The following SPTLC3 variants were observed in gnomAD, a reference collection of about 807,000 sequenced individuals.
SPTLC3 encodes serine palmitoyltransferase long chain base subunit 3.
In SPTLC3, 36 loss-of-function variants were observed where a neutral mutation model predicts 59.3. The ratio of observed to expected loss-of-function variants is 0.61; its 90% CI spans 0.47 to 0.80. The LOEUF (loss-of-function observed/expected upper bound fraction) is 0.80, where lower values mean the gene tolerates loss of function less well. Among genes scored for constraint, SPTLC3 ranks in the 30% least tolerant of loss-of-function variants. The probability of loss-of-function intolerance (pLI) is 0.00; values close to 1 mark genes in which losing one functional copy is unlikely to be tolerated. For synonymous variants in SPTLC3, 257 were observed against 240.8 expected (o/e 1.07, Z -0.62); for missense variants, 625 against 685.1 (o/e 0.91, Z 0.98).
intron 6 of SPTLC3, among the ~76,000 whole-genome samples, chr20:13,099,536 T>C (rs993059707): frequency 1.3e-5 from 2 of 152,244 alleles, no homozygotes; most frequent in African/African-American, 4.8e-5. Flanking sequence ...ACCCACATGT[T>C]TAATACAACT....
intron 1 of SPTLC3, among the ~76,000 whole-genome samples, chr20:13,046,234 T>C (rs558418738): frequency 6.6e-6 from 1 of 152,290 alleles, no homozygotes; most frequent in African/African-American, 2.4e-5. Context: ...CCTTCAACCA[T>C]GACTTAAACT....
chr20:13,064,386 T>C (rs952676842), intron 2 of SPTLC3, among the ~76,000 whole-genome samples: 2 of 151,934 alleles, frequency 1.3e-5, no homozygotes, highest in African/African-American at 2.4e-5. Context: ...TCTTGTCTCC[T>C]AGGTTGGAAC....
chr20:13,097,861 G>T (rs1989474508), intron 6 of SPTLC3, among the ~76,000 whole-genome samples: 1 of 152,144 alleles, frequency 6.6e-6, no homozygotes, highest in Admixed American at 6.5e-5. Flanking sequence ...AAGTGCAATG[G>T]CGGGTCCTAG....
chr20:13,082,583 A>G (rs1988877039), intron 4 of SPTLC3, among the ~76,000 whole-genome samples: 1 of 152,190 alleles, frequency 6.6e-6, no homozygotes, highest in African/African-American at 2.4e-5. Context: ...CTTTCACTTT[A>G]CAATAGCAGA....
At chr20:13,153,015 G>T (rs1158874848) in intron 9 of SPTLC3, among the ~76,000 whole-genome samples, 1 of 152,194 alleles carries the variant, frequency 6.6e-6, no homozygotes, top group Non-Finnish European at 1.5e-5. Context: ...ATGGAGGTCT[G>T]CTAAAGACAA....
At chr20:13,015,221 ATAT>A (rs1479185031) in intron 1 of SPTLC3, among the ~76,000 whole-genome samples, 1 of 152,204 alleles carries the variant, frequency 6.6e-6, no homozygotes, top group Non-Finnish European at 1.5e-5. Flanking sequence ...TCAAGGGTAA[ATAT>A]TATTGCCATA....
At position 13,009,295 on chromosome 20, in the gene SPTLC3, T is replaced by G; in HGVS notation, c.28T>G (p.Cys10Gly). 1 of 1,614,104 alleles carries G rather than the reference T, an allele frequency of 6.2e-7. No homozygotes were observed. Among genetic ancestry groups the G allele is most frequent in the Non-Finnish European group, 8.5e-7 (1 of 1,179,992 alleles). MANPGGGAV[C>G]NGKLHNHKKQ... ...GGCTAACCCTGGAGGTGGTGCTGTT[T>G]GCAACGGGAAACTTCACAATCACAA... The change falls in exon 1 of 12, where the codon TGC becomes GGC. Residue 10 changes from cysteine to glycine, a missense_variant. Coordinates refer to ENST00000399002, the MANE Select transcript of SPTLC3 (RefSeq NM_018327.4).
At chr20:13,107,946 G>A (rs1198495529) in intron 6 of SPTLC3, among the ~76,000 whole-genome samples, 1 of 151,714 alleles carries the variant, frequency 6.6e-6, no homozygotes, top group African/African-American at 2.4e-5. Flanking sequence ...CATTATTTAT[G>A]TGATGTTTTC....
chr20:13,052,475 GGAGT>G (rs1404936695), intron 2 of SPTLC3, among the ~76,000 whole-genome samples: 2 of 80,350 alleles, frequency 2.5e-5, no homozygotes, highest in East Asian at 3.3e-4. Flanking sequence ...GCTGGCTGCA[GGAGT>G]TTTTTTGTTG....
intron 2 of SPTLC3, among the ~76,000 whole-genome samples, chr20:13,055,702 T>C (rs1987693502): frequency 6.6e-6 from 1 of 152,200 alleles, no homozygotes; most frequent in African/African-American, 2.4e-5. Flanking sequence ...GAAGAGTTGT[T>C]TCCTAGAAAG....
At position 13,117,530 on chromosome 20, in the gene SPTLC3, G is replaced by T. The variant is rs746260646; in HGVS notation, c.957G>T (p.Leu319=). Residue 319 remains leucine (L), a synonymous_variant, in exon 8 of 12, where the codon CTG becomes CTT. Coordinates refer to ENST00000399002, the MANE Select transcript of SPTLC3 (RefSeq NM_018327.4). ...VYSMEGSIVH[L]PQIIALKKKY... is the part of the protein sequence containing the mutation. The stretch of plus-strand genomic sequence containing the variant: ...GCATGGAAGGTTCCATCGTGCATCT[G>T]CCCCAGATCATAGCTCTAAAGAAGA... 1 of 1,604,568 alleles carries T rather than the reference G, an allele frequency of 6.2e-7. No individual in the cohort carries two copies. The highest frequency in any genetic ancestry group is 8.5e-7 in the Non-Finnish European group (1 of 1,175,162).
intron 1 of SPTLC3, among the ~76,000 whole-genome samples, chr20:13,039,276 T>C (rs73255145): frequency 0.023 from 3,440 of 152,188 alleles, 63 homozygotes; most frequent in African/African-American, 0.059. Flanking sequence ...CAGTTTTTAC[T>C]TTGCACTTTT....
intron 11 of SPTLC3, 60 bp from the exon 12 acceptor site, chr20:13,164,694 C>A: frequency 7.6e-7 from 1 of 1,319,402 alleles, no homozygotes; most frequent in Non-Finnish European, 1.1e-6. Flanking sequence ...AATCTGGGCT[C>A]TGCAAAGCAG....
In SPTLC3 at chr20:13,168,413, C is replaced by T. The variant is rs767032044; in HGVS notation, c.*3546C>T. 1.3e-5 allele frequency: 2 copies of T among 152,210 alleles called. No homozygotes were observed. Among genetic ancestry groups the T allele is most frequent in the Admixed American group, 1.3e-4 (2 of 15,266 alleles). 9.4% of individuals were successfully genotyped at this position (152,210 alleles called of 1,614,324 possible). A position where few individuals can be genotyped will look rare whatever the true frequency, so the allele number is the denominator to read the frequency against. ...GGTCAGGCTGGTCTCGAACTCCTGACCTTAGGTGATCCTCCCACCTCGGCC... is the reference window on the plus strand; with the variant it reads ...GGTCAGGCTGGTCTCGAACTCCTGATCTTAGGTGATCCTCCCACCTCGGCC... On this transcript the variant is annotated 3_prime_UTR_variant, in exon 12 of 12. Transcript: ENST00000399002.
At chr20:13,102,713 C>A (rs1253909160) in intron 6 of SPTLC3, among the ~76,000 whole-genome samples, 3 of 152,294 alleles carry the variant, frequency 2.0e-5, no homozygotes, top group African/African-American at 7.2e-5. Context: ...TCATGTCTCA[C>A]CTTGGTGCAT....
chr20:13,146,160 C>T (rs1327102046), intron 9 of SPTLC3, among the ~76,000 whole-genome samples: 1 of 152,146 alleles, frequency 6.6e-6, no homozygotes, highest in Non-Finnish European at 1.5e-5. Context: ...TTCTCCTTAG[C>T]AAACTAACAC....
At position 13,078,064 on chromosome 20, in the gene SPTLC3, G is replaced by A. The variant is rs1449904779; in HGVS notation, c.607+3567G>A. 2.0e-5 allele frequency among the ~76,000 whole-genome samples: 3 copies of A among 148,306 alleles called. No homozygotes were observed. In the South Asian group the frequency reaches 6.3e-4, roughly 31 times the overall value. ...CTAACAAACATGCATTTAATAAAGG[G>A]AAAAGAATACATTACTATTACTTTA... On this transcript the variant is annotated intron_variant, in intron 4 of 11. Coordinates refer to ENST00000399002, the MANE Select transcript of SPTLC3 (RefSeq NM_018327.4).
intron 6 of SPTLC3, among the ~76,000 whole-genome samples, chr20:13,104,954 GT>G (rs1989796257): frequency 6.6e-6 from 1 of 152,016 alleles, no homozygotes; most frequent in East Asian, 1.9e-4. Flanking sequence ...TCTCAGAGGT[GT>G]CATGGGGATT....
At chr20:13,147,986 C>T (rs1391453836) in intron 9 of SPTLC3, among the ~76,000 whole-genome samples, 3 of 152,162 alleles carry the variant, frequency 2.0e-5, no homozygotes, top group Non-Finnish European at 4.4e-5. Flanking sequence ...CTCACAAACT[C>T]GTCAACCCCA....
Sources: allele counts gnomAD v4.1 joint callset (sites outside exome capture counted in the v4.1 genomes callset), GRCh38; gene constraint gnomAD v4.1.1; transcripts MANE v1.5; gene names NCBI Gene and HGNC (gene_info 2026-07-23, HGNC 2026-07-21).